Variants in LMO7 observed in about 807,000 individuals in gnomAD.
LMO7 encodes the protein LIM domain 7, also known as LIM domain only protein 7.
LMO7 carries 120 observed loss-of-function variants against 206.5 expected under a neutral mutation model. The ratio of observed to expected loss-of-function variants is 0.58; its 90% CI spans 0.50 to 0.68. The LOEUF (loss-of-function observed/expected upper bound fraction) is 0.68, where lower values mean the gene tolerates loss of function less well. LMO7 is among the 30% of genes least tolerant of loss of function. The pLI is 0.00. For missense variants in LMO7, 1,959 were observed against 1,957.9 expected (o/e 1.00, Z -0.01); for synonymous variants, 706 against 681.5 (o/e 1.04, Z -0.56).
chr13:75,775,622 C>T (rs34083520), intron 4 of LMO7, among the ~76,000 whole-genome samples: 19,597 of 151,890 alleles, frequency 0.13, 1,640 homozygotes, highest in South Asian at 0.24. Flanking sequence ...AAAAAACAAC[C>T]TTGTCAAAAA....
chr13:75,853,521 C>T (rs1595553743), intron 28 of LMO7, 133 bp downstream of exon 28: 1 of 791,702 alleles, frequency 1.3e-6, no homozygotes, highest in South Asian at 2.0e-5. Context: ...ATTTGGTATT[C>T]TAGTATGAAA....
chr13:75,781,825 G>A (rs957900018), intron 4 of LMO7, among the ~76,000 whole-genome samples: 5 of 152,160 alleles, frequency 3.3e-5, no homozygotes, highest in African/African-American at 1.2e-4. Flanking sequence ...CATTCTAACT[G>A]GTGTGAGATG....
chr13:75,678,115 G>A (rs1396092192), intron 1 of LMO7, among the ~76,000 whole-genome samples: 3 of 152,088 alleles, frequency 2.0e-5, no homozygotes, highest in Non-Finnish European at 2.9e-5. Flanking sequence ...GTGTGCATGT[G>A]TCTTTATAGC....
chr13:75,853,089 C>A lies in LMO7; in HGVS notation c.4365-3C>A. 1 of 1,577,744 alleles carries A rather than the reference C, an allele frequency of 6.3e-7. No individual in the cohort carries two copies. Among genetic ancestry groups the A allele is most frequent in the Non-Finnish European group, 8.6e-7 (1 of 1,161,118 alleles). On this transcript the variant is annotated splice_polypyrimidine_tract_variant and splice_region_variant and intron_variant, in intron 27 of 30. Coordinates refer to ENST00000377534, the MANE Select transcript of LMO7 (RefSeq NM_001306080.2). Reference sequence around the variant, plus strand: ...ATTTTGATGAGTCTTTTTTGTGTTTCAGAGGCGAATCTTTAGATAACCTGG... The same window carrying A: ...ATTTTGATGAGTCTTTTTTGTGTTTAAGAGGCGAATCTTTAGATAACCTGG...
intron 1 of LMO7, among the ~76,000 whole-genome samples, chr13:75,652,317 C>T (rs1391514311): frequency 1.3e-5 from 2 of 152,142 alleles, no homozygotes; most frequent in South Asian, 2.1e-4. Context: ...CCTTTCCCTA[C>T]CCATAGGACC....
At chr13:75,781,103 T>A in intron 4 of LMO7, among the ~76,000 whole-genome samples, 1 of 110,588 alleles carries the variant, frequency 9.0e-6, no homozygotes, top group East Asian at 2.1e-4. Flanking sequence ...TTCCTTTTTT[T>A]TTTTTTTTTT....
At chr13:75,627,327 A>T (rs919130581) in intron 2 of LMO7, 3 of 152,210 alleles carry the variant, frequency 2.0e-5, no homozygotes, top group Non-Finnish European at 4.4e-5. Context: ...AGGCTAATGT[A>T]TGTGTTGTGA....
chr13:75,662,985 G>A (rs191794976), intron 1 of LMO7, among the ~76,000 whole-genome samples: 1 of 152,290 alleles, frequency 6.6e-6, no homozygotes, highest in African/African-American at 2.4e-5. Flanking sequence ...ATGAGGAAAC[G>A]AAAGCCCACT....
At chr13:75,823,452 T>C in intron 14 of LMO7, 113 bp from the exon 15 acceptor site, 2 of 789,980 alleles carry the variant, frequency 2.5e-6, no homozygotes, top group Non-Finnish European at 2.0e-6. Context: ...ATAGTTATGT[T>C]ACTGTGGGAG....
chr13:75,692,395 C>CTT (rs35029342), intron 1 of LMO7, among the ~76,000 whole-genome samples: 14 of 144,792 alleles, frequency 9.7e-5, no homozygotes, highest in Admixed American at 1.4e-4. Flanking sequence ...GTTTCTTTTC[C>CTT]TTTTTTTTTT....
intron 1 of LMO7, among the ~76,000 whole-genome samples, chr13:75,685,865 G>A (rs1319489744): frequency 6.7e-6 from 1 of 148,540 alleles, no homozygotes; most frequent in Non-Finnish European, 1.5e-5. Flanking sequence ...CAAACCAAGG[G>A]TTTTTCATCC....
At chr13:75,645,024 TA>T (rs761346074) in intron 1 of LMO7, among the ~76,000 whole-genome samples, 3 of 152,188 alleles carry the variant, frequency 2.0e-5, no homozygotes, top group South Asian at 4.1e-4. Flanking sequence ...TTTAAAGTGT[TA>T]AAAAAGGAAA....
At chr13:75,721,710 C>G (rs866317891) in intron 2 of LMO7, among the ~76,000 whole-genome samples, 2 of 152,148 alleles carry the variant, frequency 1.3e-5, no homozygotes, top group Non-Finnish European at 2.9e-5. Flanking sequence ...TCTTTATCCA[C>G]TCATTGATTG....
intron 1 of LMO7, among the ~76,000 whole-genome samples, chr13:75,662,154 A>T (rs1440392334): frequency 1.3e-5 from 2 of 152,198 alleles, no homozygotes; most frequent in Admixed American, 6.5e-5. Flanking sequence ...TCATTATGTG[A>T]TACTCAAAAT....
chr13:75,796,842 A>G (rs560863472), intron 6 of LMO7, 93 bp downstream of exon 6: 5 of 788,130 alleles, frequency 6.3e-6, no homozygotes, highest in South Asian at 3.2e-5. Flanking sequence ...CTTCTCCTCT[A>G]TAACAAATAT....
Position 75,823,835 on chromosome 13 carries a change from G to A in LMO7, c.2911G>A (p.Gly971Arg), listed in dbSNP as rs2057836523. ...TGATTTAATGTCTGAATCTGGAGAA[G>A]GGGAAATCTCCCCACAAAGAGAAGT... ...GLDLMSESGE[G>R]EISPQREVSR... Residue 971 changes from glycine to arginine, a missense_variant, in exon 15 of 31, where the codon GGG becomes AGG. Physicochemically the swap from Gly to Arg is moderately radical, Grantham distance 125. Transcript: ENST00000377534. 1 of 1,613,934 alleles carries A rather than the reference G, an allele frequency of 6.2e-7. No homozygotes were observed. Among genetic ancestry groups the A allele is most frequent in the Non-Finnish European group, 8.5e-7 (1 of 1,179,968 alleles).
At chr13:75,643,744 A>T (rs541392477) in intron 1 of LMO7, among the ~76,000 whole-genome samples, 2 of 152,362 alleles carry the variant, frequency 1.3e-5, no homozygotes, top group South Asian at 4.1e-4. Context: ...TAACACATTC[A>T]ATCTGTGGCT....
chr13:75,738,448 A>G (rs1038776861), intron 3 of LMO7, among the ~76,000 whole-genome samples: 4 of 152,154 alleles, frequency 2.6e-5, no homozygotes, highest in African/African-American at 9.7e-5. Context: ...ACATTCATGC[A>G]ATTATTTTTT....
chr13:75,798,461 T>C (rs1407701646), intron 6 of LMO7, among the ~76,000 whole-genome samples: 1 of 152,366 alleles, frequency 6.6e-6, no homozygotes, highest in East Asian at 1.9e-4. Flanking sequence ...TGAATAATCC[T>C]AGTACAGTGT....
Sources: gnomAD v4.1 joint callset for allele counts (sites outside exome capture counted in the v4.1 genomes callset) on GRCh38, gnomAD v4.1.1 for gene constraint, MANE v1.5 for transcripts, NCBI Gene and HGNC (gene_info 2026-07-23, HGNC 2026-07-21) for gene names.